Variants in INTS7 observed in about 807,000 individuals in gnomAD.
INTS7 encodes integrator complex subunit 7, also known as chromosome 1 open reading frame 73.
In INTS7, 46 loss-of-function variants were observed where a neutral mutation model predicts 109.2. That is an observed-to-expected ratio of 0.42 (90% CI 0.33 to 0.54). The LOEUF is 0.54. Among genes scored for constraint, INTS7 ranks in the 20% least tolerant of loss-of-function variants. The pLI is 0.07. For synonymous variants in INTS7, 412 were observed against 402.9 expected (o/e 1.02, Z -0.27); for missense variants, 929 against 1,132.4 (o/e 0.82, Z 2.58).
chr1:211,969,488 T>C (rs77494163), intron 13 of INTS7, among the ~76,000 whole-genome samples: 1 of 150,966 alleles, frequency 6.6e-6, no homozygotes, highest in African/African-American at 2.4e-5. Flanking sequence ...TAAAAAAAAA[T>C]GGACATTGCC....
intron 16 of INTS7, among the ~76,000 whole-genome samples, chr1:211,965,259 A>G (rs1017703532): frequency 1.3e-5 from 2 of 152,170 alleles, no homozygotes; most frequent in Admixed American, 1.3e-4. Context: ...ACCATCTCAC[A>G]CCAGTCAGAA....
At chr1:212,011,499 C>T in intron 4 of INTS7, 78 bp from the exon 5 acceptor site, 1 of 885,002 alleles carries the variant, frequency 1.1e-6, no homozygotes, top group Admixed American at 2.3e-5. Flanking sequence ...AAATAAAACA[C>T]AATTAGCGCA....
chr1:212,009,822 T>A (rs1215434242), intron 5 of INTS7, among the ~76,000 whole-genome samples: 1 of 152,206 alleles, frequency 6.6e-6, no homozygotes, highest in African/African-American at 2.4e-5. Flanking sequence ...AGGATACTTT[T>A]CTGCAGGAAA....
intron 1 of INTS7, among the ~76,000 whole-genome samples, chr1:212,025,185 C>G (rs931679603): frequency 6.6e-6 from 1 of 152,164 alleles, no homozygotes; most frequent in Non-Finnish European, 1.5e-5. Context: ...CCACATAAAA[C>G]GATCTCAAAA....
intron 1 of INTS7, among the ~76,000 whole-genome samples, chr1:212,030,271 C>T (rs1667096101): frequency 6.6e-6 from 1 of 151,128 alleles, no homozygotes; most frequent in African/African-American, 2.4e-5. Flanking sequence ...CTCACCTTAG[C>T]TTCAATTCTA....
intron 4 of INTS7, among the ~76,000 whole-genome samples, chr1:212,015,239 C>A (rs1022355405): frequency 6.6e-6 from 1 of 151,994 alleles, no homozygotes; most frequent in Non-Finnish European, 1.5e-5. Flanking sequence ...CAGGCCATGA[C>A]GACGATGGGG....
At chr1:212,010,324 C>T (rs1666113528) in intron 5 of INTS7, among the ~76,000 whole-genome samples, 1 of 152,124 alleles carries the variant, frequency 6.6e-6, no homozygotes, top group Non-Finnish European at 1.5e-5. Flanking sequence ...CCTATGGGAG[C>T]TCTTGGGCTC....
At chr1:211,979,615 A>G (rs998925866) in intron 10 of INTS7, among the ~76,000 whole-genome samples, 5 of 152,212 alleles carry the variant, frequency 3.3e-5, no homozygotes, top group African/African-American at 1.2e-4. Context: ...CAAAGCCATA[A>G]TACCATGTTA....
At chr1:212,011,503 T>C (rs1035191494) in intron 4 of INTS7, 82 bp from the exon 5 acceptor site, 3 of 873,082 alleles carry the variant, frequency 3.4e-6, no homozygotes, top group African/African-American at 3.4e-5. Flanking sequence ...AAAACACAAT[T>C]AGCGCAGAAG....
At chr1:211,952,762 T>C in intron 16 of INTS7, 61 bp from the exon 17 acceptor site, 1 of 1,310,678 alleles carries the variant, frequency 7.6e-7, no homozygotes. Context: ...AATGCCTACA[T>C]GTATCAGGTA....
At chr1:211,970,841 T>G (rs1214712553) in intron 13 of INTS7, among the ~76,000 whole-genome samples, 1 of 152,196 alleles carries the variant, frequency 6.6e-6, no homozygotes, top group African/African-American at 2.4e-5. Flanking sequence ...GGGAAAAAAC[T>G]GGTATTAGCT....
At chr1:211,999,117 C>T (rs1410966974) in intron 7 of INTS7, among the ~76,000 whole-genome samples, 1 of 152,158 alleles carries the variant, frequency 6.6e-6, no homozygotes, top group Non-Finnish European at 1.5e-5. Flanking sequence ...TACCACACAA[C>T]CCAGCAATTC....
intron 5 of INTS7, among the ~76,000 whole-genome samples, chr1:212,008,496 C>A (rs1457576542): frequency 1.3e-5 from 2 of 152,050 alleles, no homozygotes; most frequent in Non-Finnish European, 2.9e-5. Context: ...GTAATAAATT[C>A]TCTTCTCATT....
In INTS7 at chr1:211,966,447, CA is replaced by C; in HGVS notation, c.2165del (p.Leu722TrpfsTer27). The part of the protein sequence containing the change: ...LISHAIEALI[L>X]DPESASFQEY... Reference sequence around the variant, plus strand: ...AGAATTACCTTGCTGATTCTGGATCCAAAATCAGGGCTTCTATTGCATGAGA... The same window carrying C: ...AGAATTACCTTGCTGATTCTGGATCCAAATCAGGGCTTCTATTGCATGAGA... On this transcript the variant is annotated frameshift_variant, in exon 16 of 20. Transcript: ENST00000366994. LOFTEE classifies it high-confidence loss of function. 1.9e-6 allele frequency: 3 copies of C among 1,601,634 alleles called. No homozygotes were observed. Among genetic ancestry groups the C allele is most frequent in the Admixed American group, 1.7e-5 (1 of 59,798 alleles).
Position 212,006,640 on chromosome 1 carries a change from T to C in INTS7, c.878A>G (p.Gln293Arg). 6.6e-7 allele frequency: 1 copy of C among 1,516,244 alleles called. No individual in the cohort carries two copies. The highest frequency in any genetic ancestry group is 1.2e-5 in the South Asian group (1 of 83,382). The allele number at this position is 1,516,244 out of a possible 1,614,324, so 93.9% of individuals were successfully genotyped here. Residue 293 changes from glutamine (Q) to arginine (R), a missense_variant and splice_region_variant, in exon 7 of 20, where the codon CAG becomes CGG. Gln to Arg is a conservative substitution (Grantham distance 43). Transcript: ENST00000366994. ...TPHTWSRENI[Q>R]ALCECALQTP... ...TAAAATGTTACAAGTTCTACATACC[T>C]GAATATTCTCCCTACTCCAAGTATG...
rs117385096 is a variant in INTS7 at position 212,025,210 on chromosome 1, G to C, written c.95-3998C>G. Among the ~76,000 whole-genome samples, 8 of 152,292 alleles carry C rather than the reference G, an allele frequency of 5.3e-5. No homozygotes were observed. The East Asian group carries it at 9.6e-4, about 18-fold the overall frequency. ...CGATCTCAAAATCATTATGCTGAGT[G>C]AAAGAAGCCAGACCTGAAGGACTAC... On this transcript the variant is annotated intron_variant, in intron 1 of 19. Transcript: ENST00000366994.
At chr1:211,981,056 A>C in intron 10 of INTS7, 37 bp downstream of exon 10, 1 of 1,280,446 alleles carries the variant, frequency 7.8e-7, no homozygotes, top group Non-Finnish European at 1.1e-6. Context: ...AGACCATCAT[A>C]TATATCTATT....
intron 13 of INTS7, among the ~76,000 whole-genome samples, chr1:211,971,469 T>A (rs1463592479): frequency 6.6e-6 from 1 of 152,228 alleles, no homozygotes; most frequent in Non-Finnish European, 1.5e-5. Context: ...GAAATTGACC[T>A]ACAGCTTCCT....
chr1:211,982,897 G>C, intron 8 of INTS7, 87 bp from the exon 9 acceptor site: 1 of 1,025,910 alleles, frequency 9.7e-7, no homozygotes, highest in Non-Finnish European at 1.4e-6. Context: ...CTTAATTTTT[G>C]AGAAAAGTCT....
Sources: allele counts gnomAD v4.1 joint callset (sites outside exome capture counted in the v4.1 genomes callset), GRCh38; gene constraint gnomAD v4.1.1; transcripts MANE v1.5; gene names NCBI Gene and HGNC (gene_info 2026-07-23, HGNC 2026-07-21).